MYLK: variants seen among roughly 807,000 people sequenced by gnomAD.
The protein encoded by MYLK is myosin light chain kinase.
A neutral mutation model predicts 203.4 loss-of-function variants in MYLK; 106 were observed. The ratio of observed to expected loss-of-function variants is 0.52; its 90% CI spans 0.45 to 0.61. MYLK has a LOEUF of 0.61. Ranked by LOEUF, MYLK falls within the 20% of genes least tolerant of loss-of-function variation. MYLK has a pLI of 0.00. For missense variants in MYLK, 2,072 were observed against 2,442.3 expected, an observed-to-expected ratio of 0.85 and a Z score of 3.20; for synonymous variants, 867 against 959.5, an observed-to-expected ratio of 0.90 and a Z score of 1.78.
chr3:123,618,789 G>GA lies in MYLK; in HGVS notation c.5369-20dup. On this transcript the variant is annotated intron_variant, in intron 32 of 33. Coordinates refer to ENST00000360304, the MANE Select transcript of MYLK (RefSeq NM_053025.4). ...ACATCTTCTAGAAGACAGAGAAGAAGACCAGGTCATTTCTTCACTCGTTGT... is the reference window on the plus strand; with the variant it reads ...ACATCTTCTAGAAGACAGAGAAGAAGAACCAGGTCATTTCTTCACTCGTTGT... The GA allele has an allele frequency of 6.2e-7, 1 of 1,613,800 alleles. No homozygotes were observed. The highest frequency in any genetic ancestry group is 8.5e-7 in the Non-Finnish European group (1 of 1,179,876).
chr3:123,728,783 C>A (rs1598530), intron 11 of MYLK, among the ~76,000 whole-genome samples: 1 of 152,112 alleles, frequency 6.6e-6, no homozygotes, highest in Non-Finnish European at 1.5e-5. Context: ...AAACCCCATG[C>A]GTAAGAGAAT....
intron 3 of MYLK, among the ~76,000 whole-genome samples, chr3:123,796,110 G>T (rs2064976456): frequency 6.6e-6 from 1 of 152,136 alleles, no homozygotes; most frequent in African/African-American, 2.4e-5. Flanking sequence ...GTTCCCTGCA[G>T]TAGGTAGCAA....
At chr3:123,769,150 C>G (rs114684695) in intron 4 of MYLK, among the ~76,000 whole-genome samples, 2 of 152,146 alleles carry the variant, frequency 1.3e-5, no homozygotes, top group African/African-American at 4.8e-5. Flanking sequence ...CTGCCCTACA[C>G]GAAGCACAGG....
At chr3:123,632,078 G>A (rs112051925) in intron 29 of MYLK, among the ~76,000 whole-genome samples, 28 of 152,064 alleles carry the variant, frequency 1.8e-4, no homozygotes, top group Non-Finnish European at 3.5e-4. Context: ...CACAGTGTTC[G>A]TCAGGATGGT....
At chr3:123,750,563 C>T (rs969949890) in intron 5 of MYLK, among the ~76,000 whole-genome samples, 3 of 152,146 alleles carry the variant, frequency 2.0e-5, no homozygotes, top group Non-Finnish European at 4.4e-5. Flanking sequence ...AGGGCTAGTC[C>T]AGGTTGTAGA....
At chr3:123,761,276 C>T (rs1447153631) in intron 4 of MYLK, among the ~76,000 whole-genome samples, 1 of 152,208 alleles carries the variant, frequency 6.6e-6, no homozygotes, top group Non-Finnish European at 1.5e-5. Flanking sequence ...ACCTGAGGGT[C>T]TCAACACCCT....
At chr3:123,789,995 G>A (rs1430050124) in intron 4 of MYLK, among the ~76,000 whole-genome samples, 2 of 152,096 alleles carry the variant, frequency 1.3e-5, no homozygotes, top group African/African-American at 4.8e-5. Flanking sequence ...GAATACTTTC[G>A]GTAACATTTC....
At chr3:123,858,479 A>T (rs2031604888) in intron 2 of MYLK, among the ~76,000 whole-genome samples, 1 of 152,184 alleles carries the variant, frequency 6.6e-6, no homozygotes, top group Admixed American at 6.5e-5. Context: ...GCTGAGAAGT[A>T]CAAGGTCGAG....
intron 7 of MYLK, among the ~76,000 whole-genome samples, chr3:123,738,055 C>G (rs181184990): frequency 6.6e-6 from 1 of 151,922 alleles, no homozygotes; most frequent in Non-Finnish European, 1.5e-5. Flanking sequence ...CACCTCTCCC[C>G]CTTAAGCTTC....
chr3:123,638,190 A>G lies in MYLK; in HGVS notation c.4842T>C (p.Asn1614=), dbSNP rs820463. The part of the protein sequence containing the change: ...IDFGLARRLE[N]AGSLKVLFGT... ...CAAAGAGGACCTTCAGAGACCCCGC[A>G]TTCTCTGAAACCAGGATGGAGAGGG... The change falls in exon 29 of 34, where the codon AAT becomes AAC. Residue 1614 remains asparagine (N), a synonymous_variant. Coordinates refer to ENST00000360304, the MANE Select transcript of MYLK (RefSeq NM_053025.4). The G allele has an allele frequency of 0.14, 223,644 of 1,612,880 alleles. 30,210 individuals are homozygous for G. Among genetic ancestry groups the G allele is most frequent in the East Asian group, 0.64 (28,747 of 44,798 alleles).
chr3:123,764,045 G>A (rs920958883), intron 4 of MYLK, among the ~76,000 whole-genome samples: 2 of 151,960 alleles, frequency 1.3e-5, no homozygotes, highest in Non-Finnish European at 2.9e-5. Flanking sequence ...CTAGTATATT[G>A]AATTTATTAT....
intron 5 of MYLK, among the ~76,000 whole-genome samples, chr3:123,748,031 T>G (rs1249579262): frequency 1.3e-5 from 2 of 152,096 alleles, no homozygotes; most frequent in Non-Finnish European, 2.9e-5. Flanking sequence ...CTTGGTAATT[T>G]ACATGGAAAA....
At chr3:123,654,865 T>C (rs898975578) in intron 24 of MYLK, among the ~76,000 whole-genome samples, 4 of 151,958 alleles carry the variant, frequency 2.6e-5, no homozygotes, top group African/African-American at 9.7e-5. Flanking sequence ...CACAGGCGCA[T>C]GCCACCATGC....
Position 123,615,432 on chromosome 3 carries a change from C to CA in MYLK, c.5501-1084dup, listed in dbSNP as rs1490949884. Among the ~76,000 whole-genome samples, 6 of 151,752 alleles carry CA rather than the reference C, an allele frequency of 4.0e-5. No individual in the cohort carries two copies. In the South Asian group the frequency reaches 1.3e-3, roughly 32 times the overall value. ...CACTGTAACCTCCGCCTCCTTGGTT[C>CA]AAGTGATTCTTGTGCCTCAGCCTTC... On this transcript the variant is annotated intron_variant, in intron 33 of 33. Coordinates refer to ENST00000360304, the MANE Select transcript of MYLK (RefSeq NM_053025.4).
intron 24 of MYLK, among the ~76,000 whole-genome samples, chr3:123,652,462 C>T (rs1425981678): frequency 1.3e-5 from 2 of 152,200 alleles, no homozygotes; most frequent in African/African-American, 4.8e-5. Flanking sequence ...TGGCACAAGT[C>T]CAGTCAGTCC....
chr3:123,785,120 T>G (rs2064461846), intron 4 of MYLK, among the ~76,000 whole-genome samples: 1 of 152,258 alleles, frequency 6.6e-6, no homozygotes, highest in Non-Finnish European at 1.5e-5. Flanking sequence ...ACCCCTTAAC[T>G]GTTCTGCAGG....
At chr3:123,718,064 GT>G (rs1270060212) in intron 13 of MYLK, among the ~76,000 whole-genome samples, 1 of 151,972 alleles carries the variant, frequency 6.6e-6, no homozygotes, top group African/African-American at 2.4e-5. Flanking sequence ...GTGTTGCCGT[GT>G]TGCCCAAGGT....
chr3:123,620,761 G>T, intron 31 of MYLK: 1 of 410,200 alleles, frequency 2.4e-6, no homozygotes, highest in Non-Finnish European at 3.4e-6. Context: ...TTGGCCAAGA[G>T]AATAGTTACT....
rs543652516 is a variant in MYLK, at chr3:123,828,377, G to A, written c.-4+3171C>T. Among the ~76,000 whole-genome samples the A allele has an allele frequency of 5.3e-5, 8 of 152,196 alleles. No homozygotes were observed. In the South Asian group the frequency reaches 1.7e-3, roughly 32 times the overall value. The stretch of plus-strand genomic sequence containing the variant: ...AAAAGGATACTCTCTTGAATAGATG[G>A]TGCTGGGAAAACTGGATATCCAAAT... On this transcript the variant is annotated intron_variant, in intron 3 of 33. Coordinates refer to ENST00000360304, the MANE Select transcript of MYLK (RefSeq NM_053025.4).
Sources: allele counts gnomAD v4.1 joint callset (sites outside exome capture counted in the v4.1 genomes callset), GRCh38; gene constraint gnomAD v4.1.1; transcripts MANE v1.5; gene names NCBI Gene and HGNC (gene_info 2026-07-23, HGNC 2026-07-21).